Variants in ELMO1 observed in about 807,000 individuals in gnomAD.
ELMO1 encodes the protein engulfment and cell motility 1.
ELMO1 carries 26 observed loss-of-function variants against 98.9 expected under a neutral mutation model. That is an observed-to-expected ratio of 0.26 (90% confidence interval 0.19 to 0.36). ELMO1 has a LOEUF of 0.36. Ranked by LOEUF, ELMO1 falls within the 10% of genes least tolerant of loss-of-function variation. ELMO1 has a pLI of 1.00. For missense variants in ELMO1, 627 were observed against 935.2 expected (o/e 0.67, Z 4.30); for synonymous variants, 346 against 346.0 (o/e 1.00, Z 0.00).
intron 13 of ELMO1, among the ~76,000 whole-genome samples, chr7:37,164,464 G>T (rs1789488349): frequency 1.3e-5 from 2 of 152,172 alleles, no homozygotes; most frequent in Admixed American, 1.3e-4. Flanking sequence ...GGTTTTTATG[G>T]TTTTAGGTCT....
chr7:37,134,557 TC>T (rs1787139866), intron 13 of ELMO1, among the ~76,000 whole-genome samples: 2 of 94,026 alleles, frequency 2.1e-5, no homozygotes. Flanking sequence ...AGACTCCATC[TC>T]AAAAAAAAAA....
chr7:36,924,251 T>C (rs1785361155), intron 16 of ELMO1, among the ~76,000 whole-genome samples: 1 of 152,220 alleles, frequency 6.6e-6, no homozygotes, highest in Admixed American at 6.5e-5. Flanking sequence ...GAAATGCCTC[T>C]TGTTCCTCTT....
chr7:36,991,528 A>T (rs920377123), intron 16 of ELMO1, among the ~76,000 whole-genome samples: 1 of 152,196 alleles, frequency 6.6e-6, no homozygotes, highest in Non-Finnish European at 1.5e-5. Context: ...CATTTTTAAG[A>T]CCAAAACATA....
intron 19 of ELMO1, among the ~76,000 whole-genome samples, chr7:36,875,104 C>T (rs1219124452): frequency 6.6e-6 from 1 of 152,148 alleles, no homozygotes; most frequent in East Asian, 1.9e-4. Context: ...TGACACTGAA[C>T]ATTAATTAAA....
intron 14 of ELMO1, among the ~76,000 whole-genome samples, chr7:37,120,525 T>C (rs909456202): frequency 1.3e-5 from 2 of 152,228 alleles, no homozygotes; most frequent in African/African-American, 4.8e-5. Flanking sequence ...GCCTTGCTTG[T>C]TGCTAGCATA....
intron 13 of ELMO1, among the ~76,000 whole-genome samples, chr7:37,152,485 C>T (rs1299522742): frequency 6.7e-6 from 1 of 149,580 alleles, no homozygotes; most frequent in Admixed American, 6.6e-5. Flanking sequence ...TCAACAGTAA[C>T]AGCCACTTAG....
At chr7:37,291,454 G>T (rs1010282493) in intron 4 of ELMO1, among the ~76,000 whole-genome samples, 5 of 152,168 alleles carry the variant, frequency 3.3e-5, no homozygotes, top group African/African-American at 1.2e-4. Flanking sequence ...TTAGGAAAAA[G>T]AATTTGTGTC....
intron 4 of ELMO1, among the ~76,000 whole-genome samples, chr7:37,281,543 T>C (rs1797142894): frequency 6.6e-6 from 1 of 152,226 alleles, no homozygotes; most frequent in Admixed American, 6.5e-5. Flanking sequence ...ATTTATCCTA[T>C]GATCTTCAGC....
chr7:37,184,056 T>C lies in ELMO1; in HGVS notation c.1086+27330A>G, dbSNP rs537183597. ...TTCTCATTGGGGATAGTTATCACAG[T>C]CGTTTTGAACCTTTTGTCTGTTAGT... On this transcript the variant is annotated intron_variant, in intron 13 of 21. Transcript: ENST00000310758. Among the ~76,000 whole-genome samples, 3 of 152,316 alleles carry C rather than the reference T, an allele frequency of 2.0e-5. No individual in the cohort carries two copies. In the South Asian group the frequency reaches 6.2e-4, roughly 32 times the overall value.
chr7:37,137,316 A>G (rs1047953012), intron 13 of ELMO1, among the ~76,000 whole-genome samples: 1 of 152,232 alleles, frequency 6.6e-6, no homozygotes, highest in African/African-American at 2.4e-5. Context: ...CGGCACCACA[A>G]TAATAGTGGG....
rs1805636669 is a variant in ELMO1, at chr7:36,892,422, A to C, written c.1601+2432T>G. Among the ~76,000 whole-genome samples the C allele has an allele frequency of 2.0e-5, 3 of 151,616 alleles. No individual in the cohort carries two copies. In the South Asian group the frequency reaches 6.5e-4, roughly 33 times the overall value. On this transcript the variant is annotated intron_variant, in intron 17 of 21. Transcript: ENST00000310758. Reference sequence around the variant, plus strand: ...CTTCCTGTAACTAAGCAATGAGCCCAGTCTATGGTAAATCCCCCACCCCTA... The same window carrying C: ...CTTCCTGTAACTAAGCAATGAGCCCCGTCTATGGTAAATCCCCCACCCCTA...
intron 13 of ELMO1, among the ~76,000 whole-genome samples, chr7:37,186,569 G>A (rs1023870691): frequency 6.6e-6 from 1 of 152,140 alleles, no homozygotes; most frequent in South Asian, 2.1e-4. Context: ...TGTCTGATAA[G>A]GACTTGTATC....
At chr7:37,188,982 T>A (rs898664901) in intron 13 of ELMO1, among the ~76,000 whole-genome samples, 2 of 152,234 alleles carry the variant, frequency 1.3e-5, no homozygotes, top group Non-Finnish European at 2.9e-5. Context: ...CTGAATTATA[T>A]TTATGTTATA....
At chr7:37,256,433 T>C (rs984415620) in intron 6 of ELMO1, among the ~76,000 whole-genome samples, 2 of 150,448 alleles carry the variant, frequency 1.3e-5, no homozygotes, top group Non-Finnish European at 3.0e-5. Context: ...TGTCTTTGAA[T>C]GAGAAAAAAA....
intron 16 of ELMO1, among the ~76,000 whole-genome samples, chr7:37,002,811 G>A (rs183887325): frequency 1.3e-5 from 2 of 152,314 alleles, no homozygotes; most frequent in East Asian, 1.9e-4. Context: ...TAGGCATGGT[G>A]CTAGATACTT....
chr7:37,141,120 T>C (rs534425411), intron 13 of ELMO1, among the ~76,000 whole-genome samples: 6 of 152,288 alleles, frequency 3.9e-5, no homozygotes, highest in African/African-American at 1.4e-4. Context: ...TGCAAAAATA[T>C]GGAACCAGCC....
intron 16 of ELMO1, among the ~76,000 whole-genome samples, chr7:36,935,948 C>T (rs1786492823): frequency 1.3e-5 from 2 of 152,180 alleles, no homozygotes; most frequent in Admixed American, 1.3e-4. Flanking sequence ...GGGCCTGCTG[C>T]AGTGCATACT....
chr7:36,984,785 A>G, intron 16 of ELMO1: 1 of 559,190 alleles, frequency 1.8e-6, no homozygotes. Context: ...TAAGACAGGA[A>G]ATCACATTTT....
chr7:36,913,614 T>C (rs949841070), intron 16 of ELMO1, among the ~76,000 whole-genome samples: 5 of 152,156 alleles, frequency 3.3e-5, no homozygotes, highest in Non-Finnish European at 7.4e-5. Context: ...CAACAAATAA[T>C]AACAAAGCCT....
Sources: allele counts gnomAD v4.1 joint callset (sites outside exome capture counted in the v4.1 genomes callset), GRCh38; gene constraint gnomAD v4.1.1; transcripts MANE v1.5; gene names NCBI Gene and HGNC (gene_info 2026-07-23, HGNC 2026-07-21).